Variants in MACC1 observed in about 807,000 individuals in gnomAD.
MACC1 encodes metastasis-associated in colon cancer protein 1.
In MACC1, 79 loss-of-function variants were observed where a neutral mutation model predicts 70.7. The observed-to-expected ratio is 1.12, with a 90% CI of 0.93 to 1.35. MACC1 has a LOEUF of 1.35. Among genes scored for constraint, MACC1 ranks in the 40% most tolerant of loss-of-function variants. The pLI is 0.00. For missense variants in MACC1, 1,106 were observed against 978.1 expected, an observed-to-expected ratio of 1.13 and a Z score of -1.74; for synonymous variants, 361 against 347.2, an observed-to-expected ratio of 1.04 and a Z score of -0.44.
intron 1 of MACC1, among the ~76,000 whole-genome samples, chr7:20,197,328 A>G (rs76983462): frequency 0.044 from 6,674 of 152,166 alleles, 189 homozygotes; most frequent in East Asian, 0.1. Context: ...TTTCCTTTCA[A>G]CTGCTGCTGT....
intron 6 of MACC1, among the ~76,000 whole-genome samples, chr7:20,144,044 A>G (rs1164979358): frequency 2.0e-5 from 3 of 152,220 alleles, no homozygotes; most frequent in Non-Finnish European, 4.4e-5. Flanking sequence ...TGGTGCAAAA[A>G]TTCATCTTCT....
At chr7:20,199,418 T>C (rs1318984298) in intron 1 of MACC1, among the ~76,000 whole-genome samples, 1 of 152,232 alleles carries the variant, frequency 6.6e-6, no homozygotes, top group East Asian at 1.9e-4. Flanking sequence ...CTGGTGTGTG[T>C]GATAGTACTG....
intron 4 of MACC1, among the ~76,000 whole-genome samples, chr7:20,161,259 T>A (rs1027615571): frequency 6.6e-6 from 1 of 152,126 alleles, no homozygotes; most frequent in African/African-American, 2.4e-5. Flanking sequence ...CAGAATTTCT[T>A]TTGTTTAATA....
At position 20,154,196 on chromosome 7, in the gene MACC1, A is replaced by C; in HGVS notation, c.2343T>G (p.Val781=). 6.2e-7 allele frequency: 1 copy of C among 1,613,872 alleles called. No individual in the cohort carries two copies. Among genetic ancestry groups the C allele is most frequent in the African/African-American group, 1.3e-5 (1 of 75,024 alleles). Reference sequence around the variant, plus strand: ...ATTACACAAACAGAAGTCTTACCTCAACAGCAACATCTCCAGTGTTTCCTC... The same window carrying C: ...ATTACACAAACAGAAGTCTTACCTCCACAGCAACATCTCCAGTGTTTCCTC... ...PHRGNTGDVA[V]EMMWKPAYDF... is the part of the protein sequence containing the mutation. The change falls in exon 6 of 7, where the codon GTT becomes GTG. Residue 781 remains valine, a synonymous_variant. Transcript: ENST00000400331.
At chr7:20,203,429 G>A (rs1782861264) in intron 1 of MACC1, among the ~76,000 whole-genome samples, 1 of 152,300 alleles carries the variant, frequency 6.6e-6, no homozygotes, top group South Asian at 2.1e-4. Context: ...ATGATGGTGT[G>A]TGCGTGCATA....
rs1166086752 is a variant in MACC1, at chr7:20,138,174, A to C, written c.*2772T>G. ...GCTCAAAAAAAAAAAAAAAAAAAAA[A>C]AAAAAAAATTTCCCCTGGAAGGATT... On this transcript the variant is annotated 3_prime_UTR_variant, in exon 7 of 7. Transcript: ENST00000400331. 6.8e-6 allele frequency: 1 copy of C among 147,466 alleles called. No individual in the cohort carries two copies. The highest frequency in any genetic ancestry group is 1.9e-4 in the East Asian group (1 of 5,188). 9.1% of individuals were successfully genotyped at this position (147,466 alleles called of 1,614,324 possible). A position where few individuals can be genotyped will look rare whatever the true frequency, so the allele number is the denominator to read the frequency against.
rs761473889 is a variant in MACC1 at position 20,159,128 on chromosome 7, GT to G, written c.1232del (p.Asn411ThrfsTer23). On this transcript the variant is annotated frameshift_variant, in exon 5 of 7. Coordinates refer to ENST00000400331, the MANE Select transcript of MACC1 (RefSeq NM_182762.4). LOFTEE classifies it high-confidence loss of function. ...TISDIKKGGK[N>X]ISPVVFQLWG... ...AGAGCTGAAACACAACTGGAGATATGTTTTTTCCACCCTTCTTAATATCAGA... is the reference window on the plus strand; with the variant it reads ...AGAGCTGAAACACAACTGGAGATATGTTTTTCCACCCTTCTTAATATCAGA... The G allele has an allele frequency of 6.2e-7, 1 of 1,613,844 alleles. No homozygotes were observed.
chr7:20,190,543 G>T (rs80290721), intron 1 of MACC1, among the ~76,000 whole-genome samples: 1,966 of 152,270 alleles, frequency 0.013, 39 homozygotes, highest in African/African-American at 0.045. Context: ...GAGGATTCTT[G>T]TTCAAAACAG....
intron 1 of MACC1, among the ~76,000 whole-genome samples, chr7:20,173,377 G>T (rs11978847): frequency 0.024 from 3,718 of 152,282 alleles, 153 homozygotes; most frequent in African/African-American, 0.085. Flanking sequence ...CTTTCTTGGG[G>T]CATGGCCCTT....
intron 1 of MACC1, among the ~76,000 whole-genome samples, chr7:20,189,742 A>T (rs1194988212): frequency 9.5e-6 from 1 of 105,560 alleles, no homozygotes; most frequent in Non-Finnish European, 1.8e-5. Flanking sequence ...GACATACACA[A>T]ACACATAAAC....
intron 1 of MACC1, among the ~76,000 whole-genome samples, chr7:20,214,440 A>G (rs1783041027): frequency 6.6e-6 from 1 of 152,050 alleles, no homozygotes; most frequent in Admixed American, 6.6e-5. Flanking sequence ...TGATTTTTCC[A>G]CTACCAATTG....
At chr7:20,188,749 T>G (rs1249541802) in intron 1 of MACC1, among the ~76,000 whole-genome samples, 2 of 152,320 alleles carry the variant, frequency 1.3e-5, no homozygotes, top group Admixed American at 1.3e-4. Context: ...CCAAAGTCAC[T>G]GGTAAACTCT....
intron 1 of MACC1, among the ~76,000 whole-genome samples, chr7:20,186,501 C>G (rs1782590726): frequency 6.6e-6 from 1 of 151,268 alleles, no homozygotes; most frequent in Non-Finnish European, 1.5e-5. Flanking sequence ...GTAAAATAAT[C>G]AAATAAATAA....
At chr7:20,188,104 T>C (rs540415619) in intron 1 of MACC1, among the ~76,000 whole-genome samples, 2 of 152,254 alleles carry the variant, frequency 1.3e-5, no homozygotes, top group South Asian at 4.2e-4. Context: ...CAAGATCTCC[T>C]GACAACTCAC....
chr7:20,189,553 A>C (rs1360866124), intron 1 of MACC1, among the ~76,000 whole-genome samples: 1 of 152,236 alleles, frequency 6.6e-6, no homozygotes, highest in African/African-American at 2.4e-5. Context: ...AATCTAGTTC[A>C]AATGTGATAT....
In MACC1 at chr7:20,138,422, C is replaced by A. The variant is rs1781749019; in HGVS notation, c.*2524G>T. On this transcript the variant is annotated 3_prime_UTR_variant, in exon 7 of 7. Transcript: ENST00000400331. Reference sequence around the variant, plus strand: ...TTAGATCTTGGAGCCTGGAAAAACCCAGTTATTAATCCCCACTATCCCTTC... The same window carrying A: ...TTAGATCTTGGAGCCTGGAAAAACCAAGTTATTAATCCCCACTATCCCTTC... The A allele has an allele frequency of 6.6e-6, 1 of 151,910 alleles. No individual in the cohort carries two copies. Among genetic ancestry groups the A allele is most frequent in the African/African-American group, 2.4e-5 (1 of 41,356 alleles). 9.4% of individuals were successfully genotyped at this position (151,910 alleles called of 1,614,324 possible).
At chr7:20,169,014 G>C (rs938291411) in intron 2 of MACC1, among the ~76,000 whole-genome samples, 3 of 152,200 alleles carry the variant, frequency 2.0e-5, no homozygotes, top group South Asian at 4.1e-4. Flanking sequence ...TTCTACTTCT[G>C]CATGCTGTGC....
intron 1 of MACC1, among the ~76,000 whole-genome samples, chr7:20,192,389 G>A (rs539937116): frequency 6.6e-5 from 10 of 152,096 alleles, no homozygotes; most frequent in Non-Finnish European, 1.2e-4. Flanking sequence ...TAGGAAAACC[G>A]CTGTTCACAG....
chr7:20,167,837 G>A (rs1278487614), intron 2 of MACC1, among the ~76,000 whole-genome samples: 1 of 152,132 alleles, frequency 6.6e-6, no homozygotes, highest in Admixed American at 6.5e-5. Context: ...CCCATGCTTG[G>A]TGTAATGCTC....
Sources: gnomAD v4.1 joint callset for allele counts (sites outside exome capture counted in the v4.1 genomes callset) on GRCh38, gnomAD v4.1.1 for gene constraint, MANE v1.5 for transcripts, NCBI Gene and HGNC (gene_info 2026-07-23, HGNC 2026-07-21) for gene names.